TANC2: variants seen among roughly 807,000 people sequenced by gnomAD.
TANC2 encodes the protein protein TANC2.
Under a neutral mutation model 210.5 loss-of-function variants are expected in TANC2, and 26 were observed. The ratio of observed to expected loss-of-function variants is 0.12; its 90% confidence interval spans 0.09 to 0.17. The LOEUF is 0.17. Ranked by LOEUF, TANC2 falls within the 10% of genes least tolerant of loss-of-function variation. TANC2 has a pLI of 1.00. For missense variants in TANC2, 2,129 were observed against 2,608.9 expected (o/e 0.82, Z 4.01); for synonymous variants, 931 against 967.1 (o/e 0.96, Z 0.69).
At chr17:63,312,588 A>G (rs1320256540) in intron 9 of TANC2, among the ~76,000 whole-genome samples, 2 of 152,120 alleles carry the variant, frequency 1.3e-5, no homozygotes, top group Non-Finnish European at 2.9e-5. Flanking sequence ...GGGGAAGAAG[A>G]TGGGGCAAGG....
chr17:63,313,193 A>G (rs2045188435), intron 9 of TANC2: 1 of 152,182 alleles, frequency 6.6e-6, no homozygotes, highest in South Asian at 2.1e-4. Context: ...AAAATATTTG[A>G]AAAATGGAGT....
At chr17:63,074,440 T>A (rs1426727602) in intron 3 of TANC2, among the ~76,000 whole-genome samples, 1 of 152,132 alleles carries the variant, frequency 6.6e-6, no homozygotes. Flanking sequence ...TTCCTACTTA[T>A]TTTTCTTTTC....
intron 2 of TANC2, among the ~76,000 whole-genome samples, chr17:63,033,032 A>G (rs965552006): frequency 3.9e-5 from 6 of 152,180 alleles, no homozygotes; most frequent in Non-Finnish European, 8.8e-5. Context: ...TTTATTATAA[A>G]GGATATTACA....
At chr17:63,369,851 C>T (rs1167169133) in intron 14 of TANC2, among the ~76,000 whole-genome samples, 1 of 152,050 alleles carries the variant, frequency 6.6e-6, no homozygotes, top group Non-Finnish European at 1.5e-5. Context: ...GATCTGCTCG[C>T]CTCAGCCTCC....
At chr17:63,395,336 G>GTTT (rs1325857653) in intron 17 of TANC2, among the ~76,000 whole-genome samples, 1 of 152,174 alleles carries the variant, frequency 6.6e-6, no homozygotes. Flanking sequence ...GCTTCATAAT[G>GTTT]TTTTTCTTCC....
intron 17 of TANC2, among the ~76,000 whole-genome samples, chr17:63,395,213 C>T (rs2048115033): frequency 1.3e-5 from 2 of 152,186 alleles, no homozygotes; most frequent in African/African-American, 4.8e-5. Context: ...TGGGGCAGAT[C>T]TTTGAGAGTC....
At chr17:63,337,232 T>A (rs1284551623) in intron 11 of TANC2, among the ~76,000 whole-genome samples, 1 of 152,184 alleles carries the variant, frequency 6.6e-6, no homozygotes, top group Non-Finnish European at 1.5e-5. Flanking sequence ...CAAAGAAATA[T>A]CTAAAAATTA....
intron 14 of TANC2, among the ~76,000 whole-genome samples, chr17:63,368,204 A>G (rs2047166188): frequency 6.6e-6 from 1 of 152,204 alleles, no homozygotes; most frequent in Admixed American, 6.5e-5. Flanking sequence ...TAGTGATGGT[A>G]CTAACCAACA....
intron 14 of TANC2, among the ~76,000 whole-genome samples, chr17:63,358,376 A>AGAGAGAGTGTGTGT (rs1470682571): frequency 1.4e-4 from 11 of 80,942 alleles, no homozygotes; most frequent in African/African-American, 3.7e-4. Flanking sequence ...AGAGAGAGAG[A>AGAGAGAGTGTGTGT]GTATGTGTGT....
chr17:63,250,386 C>T (rs568942373), intron 8 of TANC2, among the ~76,000 whole-genome samples: 83 of 152,150 alleles, frequency 5.5e-4, no homozygotes, highest in African/African-American at 1.9e-3. Context: ...ATCCTCCAAC[C>T]TAATATCTTC....
chr17:63,069,829 T>A (rs1250961126), intron 2 of TANC2, among the ~76,000 whole-genome samples: 1 of 152,220 alleles, frequency 6.6e-6, no homozygotes, highest in Non-Finnish European at 1.5e-5. Flanking sequence ...TGAAAACTTC[T>A]TATAAATAAT....
intron 5 of TANC2, among the ~76,000 whole-genome samples, chr17:63,170,814 T>G (rs2040379153): frequency 6.6e-6 from 1 of 152,204 alleles, no homozygotes; most frequent in Non-Finnish European, 1.5e-5. Context: ...GACTACAAGA[T>G]CCATCTCTTT....
chr17:63,111,951 C>G (rs893423622), intron 4 of TANC2, among the ~76,000 whole-genome samples: 1 of 152,142 alleles, frequency 6.6e-6, no homozygotes, highest in African/African-American at 2.4e-5. Context: ...GTCTCGATCT[C>G]CTGACCTTGT....
At chr17:63,347,144 CG>C (rs1452992332) in intron 12 of TANC2, among the ~76,000 whole-genome samples, 1 of 152,104 alleles carries the variant, frequency 6.6e-6, no homozygotes, top group Non-Finnish European at 1.5e-5. Context: ...TATTCATAGT[CG>C]TCAAAAACTG....
At chr17:63,093,486 T>G (rs993794349) in intron 3 of TANC2, among the ~76,000 whole-genome samples, 10 of 152,176 alleles carry the variant, frequency 6.6e-5, no homozygotes, top group African/African-American at 2.4e-4. Context: ...ATTGTTTTTC[T>G]AACACCATCT....
chr17:63,046,906 G>T (rs965548402), intron 2 of TANC2, among the ~76,000 whole-genome samples: 1 of 152,050 alleles, frequency 6.6e-6, no homozygotes, highest in Non-Finnish European at 1.5e-5. Flanking sequence ...CTATATATTT[G>T]AATTTACTTA....
chr17:63,161,817 T>C (rs1002425528), intron 5 of TANC2, among the ~76,000 whole-genome samples: 1 of 152,168 alleles, frequency 6.6e-6, no homozygotes, highest in African/African-American at 2.4e-5. Flanking sequence ...ATCCACCGAT[T>C]AGTAGTAGGT....
At position 63,238,085 on chromosome 17, in the gene TANC2, T is replaced by G. The variant is rs1385133418; in HGVS notation, c.1033+8T>G. The G allele has an allele frequency of 5.2e-6, 8 of 1,527,872 alleles. No homozygotes were observed. Among genetic ancestry groups the G allele is most frequent in the Non-Finnish European group, 7.0e-6 (8 of 1,137,196 alleles). The allele number at this position is 1,527,872 out of a possible 1,614,324, so 94.6% of individuals were successfully genotyped here. ...GGCCAAATTCAGTAGCAGGTAAGTT[T>G]TTGTTGTTGTTGTTGTTGTTGCTGT... is the stretch of plus-strand genomic sequence containing the variant. On this transcript the variant is annotated splice_region_variant and intron_variant, in intron 8 of 27. Transcript: ENST00000689528.
chr17:63,142,799 T>C (rs1030345126), intron 4 of TANC2, among the ~76,000 whole-genome samples: 4 of 152,206 alleles, frequency 2.6e-5, no homozygotes, highest in African/African-American at 9.6e-5. Flanking sequence ...AACGAGTTTC[T>C]TAAAATCACC....
Sources: allele counts gnomAD v4.1 joint callset (sites outside exome capture counted in the v4.1 genomes callset), GRCh38; gene constraint gnomAD v4.1.1; transcripts MANE v1.5; gene names NCBI Gene and HGNC (gene_info 2026-07-23, HGNC 2026-07-21).